Variants in SRGAP3 observed in about 807,000 individuals in gnomAD.
The protein encoded by SRGAP3 is SLIT-ROBO Rho GTPase-activating protein 3.
A neutral mutation model predicts 121.1 loss-of-function variants in SRGAP3; 39 were observed. The ratio of observed to expected loss-of-function variants is 0.32; its 90% CI spans 0.25 to 0.42. The LOEUF (loss-of-function observed/expected upper bound fraction) is 0.42, where lower values mean the gene tolerates loss of function less well. Ranked by LOEUF, SRGAP3 falls within the 10% of genes least tolerant of loss-of-function variation. The pLI is 1.00. For missense variants in SRGAP3, 1,213 were observed against 1,470.6 expected (o/e 0.82, Z 2.86); for synonymous variants, 601 against 570.0 (o/e 1.05, Z -0.77).
chr3:9,176,307 A>C (rs1048735029), intron 1 of SRGAP3, among the ~76,000 whole-genome samples: 1 of 152,244 alleles, frequency 6.6e-6, no homozygotes, highest in Non-Finnish European at 1.5e-5. Context: ...GGCTATGATG[A>C]GATGGCATGA....
chr3:9,077,101 A>T (rs1264411567), intron 4 of SRGAP3, among the ~76,000 whole-genome samples: 1 of 151,774 alleles, frequency 6.6e-6, no homozygotes, highest in Non-Finnish European at 1.5e-5. Flanking sequence ...TCGTAATGCT[A>T]TCGCTCCCCC....
chr3:8,996,468 G>C (rs1004388831), intron 18 of SRGAP3, among the ~76,000 whole-genome samples: 1 of 152,220 alleles, frequency 6.6e-6, no homozygotes, highest in Admixed American at 6.5e-5. Flanking sequence ...CTTCTGCAGG[G>C]AGCAGGCCTC....
chr3:9,341,340 C>T (rs922523116), intron 1 of SRGAP3, among the ~76,000 whole-genome samples: 1 of 152,270 alleles, frequency 6.6e-6, no homozygotes, highest in African/African-American at 2.4e-5. Flanking sequence ...TCTTCCCTAC[C>T]CTCCACACTC....
At chr3:9,328,564 C>G (rs1358545051) in intron 2 of SRGAP3, among the ~76,000 whole-genome samples, 1 of 152,204 alleles carries the variant, frequency 6.6e-6, no homozygotes, top group Non-Finnish European at 1.5e-5. Context: ...GCTGATATTT[C>G]TGGCTTCTGA....
At chr3:9,358,656 A>G (rs924993493) in intron 1 of SRGAP3, among the ~76,000 whole-genome samples, 10 of 152,198 alleles carry the variant, frequency 6.6e-5, no homozygotes, top group Non-Finnish European at 1.0e-4. Flanking sequence ...CCCACCTCAG[A>G]TATCAGTTGC....
Position 8,983,963 on chromosome 3 carries a change from A to G in SRGAP3, c.*1556T>C. On this transcript the variant is annotated 3_prime_UTR_variant, in exon 22 of 22. Transcript: ENST00000383836. Reference sequence around the variant, plus strand: ...CTGGGTCTCGCAGGAGAGGGTAAGTAACAGCGGCCCACAGGGCACACAGAT... The same window carrying G: ...CTGGGTCTCGCAGGAGAGGGTAAGTGACAGCGGCCCACAGGGCACACAGAT... 1 of 230,322 alleles carries G rather than the reference A, an allele frequency of 4.3e-6. No individual in the cohort carries two copies. Among genetic ancestry groups the G allele is most frequent in the Non-Finnish European group, 8.6e-6 (1 of 116,190 alleles). 14.3% of individuals were successfully genotyped at this position (230,322 alleles called of 1,614,324 possible).
rs999127787 is a variant in SRGAP3 at position 9,128,375 on chromosome 3, A to G, written c.68-3458T>C. Among the ~76,000 whole-genome samples the G allele has an allele frequency of 3.3e-5, 5 of 152,392 alleles. No homozygotes were observed. The South Asian group carries it at 1.0e-3, about 32-fold the overall frequency. On this transcript the variant is annotated intron_variant, in intron 1 of 21. Transcript: ENST00000383836. ...AATTAAAATGTCCATTTCAGCTTAC[A>G]TAAGTAGAGTTTTAAAAAAGATGAT...
chr3:8,986,094 A>G (rs143036924), intron 21 of SRGAP3, among the ~76,000 whole-genome samples, 162 bp from the exon 22 acceptor site: 153 of 152,248 alleles, frequency 1.0e-3, no homozygotes, highest in Non-Finnish European at 1.8e-3. Context: ...GGGAGAACCA[A>G]TGTGGATATC....
chr3:9,136,437 G>C (rs1379657305), intron 1 of SRGAP3, among the ~76,000 whole-genome samples: 1 of 107,326 alleles, frequency 9.3e-6, no homozygotes, highest in African/African-American at 3.6e-5. Context: ...CGCGCGCCAC[G>C]TGCAGCAGCC....
chr3:9,061,024 G>A (rs888219478), intron 5 of SRGAP3, among the ~76,000 whole-genome samples: 1 of 152,216 alleles, frequency 6.6e-6, no homozygotes, highest in African/African-American at 2.4e-5. Flanking sequence ...CTGAGGTTAG[G>A]AGAGCAAGAC....
At chr3:9,180,684 A>C (rs534792602) in intron 1 of SRGAP3, among the ~76,000 whole-genome samples, 2 of 152,108 alleles carry the variant, frequency 1.3e-5, no homozygotes, top group Non-Finnish European at 2.9e-5. Context: ...CCTCACTCAG[A>C]CCTCATCTGC....
chr3:9,016,872 T>G (rs1052744984), intron 14 of SRGAP3, among the ~76,000 whole-genome samples: 1 of 152,178 alleles, frequency 6.6e-6, no homozygotes, highest in Non-Finnish European at 1.5e-5. Flanking sequence ...TTATTAACAT[T>G]TATACGAACT....
intron 1 of SRGAP3, among the ~76,000 whole-genome samples, chr3:9,185,600 T>C (rs575744990): frequency 6.6e-6 from 1 of 152,062 alleles, no homozygotes; most frequent in East Asian, 1.9e-4. Context: ...GGCAAGATTA[T>C]AGCACATGGC....
At chr3:9,029,827 G>A (rs973939883) in intron 12 of SRGAP3, among the ~76,000 whole-genome samples, 8 of 152,116 alleles carry the variant, frequency 5.3e-5, no homozygotes, top group Non-Finnish European at 1.2e-4. Flanking sequence ...TATGTGATGA[G>A]TACAGTGTGA....
chr3:9,233,572 T>A (rs1953303388), intron 1 of SRGAP3, among the ~76,000 whole-genome samples: 1 of 152,236 alleles, frequency 6.6e-6, no homozygotes. Flanking sequence ...CTGATCTTTC[T>A]GACCCCTTAA....
At chr3:9,351,751 G>A (rs540650800) in intron 1 of SRGAP3, among the ~76,000 whole-genome samples, 1 of 152,194 alleles carries the variant, frequency 6.6e-6, no homozygotes, top group South Asian at 2.1e-4. Context: ...ATACTGTCAG[G>A]TTTGTAGCCT....
At position 9,053,213 on chromosome 3, in the gene SRGAP3, G is replaced by C. The variant is rs1308152496; in HGVS notation, c.1137C>G (p.Thr379=). 6.2e-7 allele frequency: 1 copy of C among 1,613,884 alleles called. No individual in the cohort carries two copies. The highest frequency in any genetic ancestry group is 8.5e-7 in the Non-Finnish European group (1 of 1,179,916). The part of the protein sequence containing the change: ...LKIENEEVRK[T]LDATMQTLQD... ...GTAATGTCTGCATGGTGGCATCCAGGGTTTTCCTAACCTGGGGAAACACAG... is the reference window on the plus strand; with the variant it reads ...GTAATGTCTGCATGGTGGCATCCAGCGTTTTCCTAACCTGGGGAAACACAG... Residue 379 remains threonine (T), a synonymous_variant, in exon 9 of 22, where the codon ACC becomes ACG. Coordinates refer to ENST00000383836, the MANE Select transcript of SRGAP3 (RefSeq NM_014850.4).
In SRGAP3 at chr3:9,293,417, C is replaced by T. The variant is rs545125642; in HGVS notation, n.442+32593G>A. The T allele has an allele frequency of 2.2e-4, 34 of 152,310 alleles. No homozygotes were observed. The East Asian group carries it at 6.4e-3, about 29-fold the overall frequency. The allele number at this position is 152,310 out of a possible 1,614,324, so 9.4% of individuals were successfully genotyped here. A position where few individuals can be genotyped will look rare whatever the true frequency, so the allele number is the denominator to read the frequency against. On this transcript the variant is annotated intron_variant and non_coding_transcript_variant, in intron 3 of 3. Coordinates refer to the SRGAP3 transcript ENST00000490889. ...TGGACTGATGGTAAGATCTTAATGACTCAGAAATATCTGTCTTCCTCGAGA... is the reference window on the plus strand; with the variant it reads ...TGGACTGATGGTAAGATCTTAATGATTCAGAAATATCTGTCTTCCTCGAGA...
At chr3:9,306,929 T>G (rs1349498861) in intron 3 of SRGAP3, among the ~76,000 whole-genome samples, 1 of 152,220 alleles carries the variant, frequency 6.6e-6, no homozygotes, top group Non-Finnish European at 1.5e-5. Flanking sequence ...GTTTTTCAAA[T>G]ATTTATGTGT....
Sources: gnomAD v4.1 joint callset for allele counts (sites outside exome capture counted in the v4.1 genomes callset) on GRCh38, gnomAD v4.1.1 for gene constraint, MANE v1.5 for transcripts, NCBI Gene and HGNC (gene_info 2026-07-23, HGNC 2026-07-21) for gene names.